The following C17orf99 variants were observed in gnomAD, a reference collection of about 807,000 sequenced individuals.
C17orf99 encodes protein IL-40.
Under a neutral mutation model 22.6 loss-of-function variants are expected in C17orf99, and 18 were observed. That is an observed-to-expected ratio of 0.80 (90% CI 0.55 to 1.18). The LOEUF (loss-of-function observed/expected upper bound fraction) is 1.18, where lower values mean the gene tolerates loss of function less well. C17orf99 is among the 50% of genes most tolerant of loss of function. C17orf99 has a pLI of 0.00. For synonymous variants in C17orf99, 147 were observed against 136.6 expected, an observed-to-expected ratio of 1.08 and a Z score of -0.53; for missense variants, 328 against 342.7, an observed-to-expected ratio of 0.96 and a Z score of 0.34.
intron 2 of C17orf99, among the ~76,000 whole-genome samples, chr17:78,159,739 C>T (rs1291383988): frequency 1.3e-5 from 2 of 152,124 alleles, no homozygotes; most frequent in Non-Finnish European, 2.9e-5. Flanking sequence ...TCCCCCTCCC[C>T]TGGGCCCCAG....
At chr17:78,157,737 C>T (rs561073795) in intron 2 of C17orf99, 28 of 460,494 alleles carry the variant, frequency 6.1e-5, no homozygotes, top group Middle Eastern at 7.7e-4. Flanking sequence ...GCAGAGCTTG[C>T]GGTGAGCCGA....
At chr17:78,148,214 T>A (rs2075450573) in intron 2 of C17orf99, among the ~76,000 whole-genome samples, 1 of 127,870 alleles carries the variant, frequency 7.8e-6, no homozygotes. Flanking sequence ...GAGACCCCCA[T>A]CTCTTAAAAA....
At position 78,166,235 on chromosome 17, in the gene C17orf99, C is replaced by G; in HGVS notation, c.*189C>G. The G allele has an allele frequency of 2.6e-6, 1 of 381,972 alleles. No individual in the cohort carries two copies. Among genetic ancestry groups the G allele is most frequent in the Non-Finnish European group, 4.6e-6 (1 of 217,162 alleles). 23.7% of individuals were successfully genotyped at this position (381,972 alleles called of 1,614,324 possible). ...TTGCTTCGCTATAGGAACCTTTGTGCTATCTATATTATCTATATGAATCCC... is the reference window on the plus strand; with the variant it reads ...TTGCTTCGCTATAGGAACCTTTGTGGTATCTATATTATCTATATGAATCCC... On this transcript the variant is annotated 3_prime_UTR_variant, in exon 5 of 5. Transcript: ENST00000340363.
intron 2 of C17orf99, chr17:78,158,059 C>T (rs1156867520): frequency 2.3e-6 from 3 of 1,284,960 alleles, no homozygotes; most frequent in Admixed American, 3.5e-5. Context: ...TCCAGGACAG[C>T]ATGGAGGTGC....
At chr17:78,145,662 G>C (rs1325055700), upstream of C17orf99, among the ~76,000 whole-genome samples, 2 of 152,178 alleles carry the variant, frequency 1.3e-5, no homozygotes, top group Non-Finnish European at 2.9e-5. Flanking sequence ...AAAGGCCCCA[G>C]TGATTACATG....
At chr17:78,150,190 G>T (rs1301984877) in intron 2 of C17orf99, among the ~76,000 whole-genome samples, 1 of 151,184 alleles carries the variant, frequency 6.6e-6, no homozygotes, top group East Asian at 1.9e-4. Context: ...TGTATTTTTT[G>T]TAGAGACAGG....
At chr17:78,160,373 T>TA (rs2075563637) in intron 2 of C17orf99, among the ~76,000 whole-genome samples, 1 of 151,846 alleles carries the variant, frequency 6.6e-6, no homozygotes, top group South Asian at 2.1e-4. Context: ...CTGTCTCTAC[T>TA]AAAAATACAA....
At chr17:78,157,324 TCAG>T in intron 2 of C17orf99, 3 of 582,258 alleles carry the variant, frequency 5.2e-6, no homozygotes, top group South Asian at 1.7e-5. Flanking sequence ...AGACCTGTGT[TCAG>T]CAGCGGCGGC....
chr17:78,164,116 C>T lies in C17orf99; in HGVS notation c.392C>T (p.Ala131Val), dbSNP rs1360597403. The change falls in exon 4 of 5, where the codon GCC (alanine) becomes GTC (valine). Residue 131 changes from alanine to valine, a missense_variant. Physicochemically the swap from Ala to Val is moderately conservative, Grantham distance 64. Coordinates refer to ENST00000340363, the MANE Select transcript of C17orf99 (RefSeq NM_001163075.2). ...CCAGAGCCAGTGTCTGAGCTGCGGG[C>T]CAACTTCACTCTGCAGGACAGAGGG... ...LWSKPVSELR[A>V]NFTLQDRGAG... is the part of the protein sequence containing the mutation. 24 of 1,551,598 alleles carry T rather than the reference C, an allele frequency of 1.5e-5. No homozygotes were observed. The highest frequency in any genetic ancestry group is 2.0e-5 in the Non-Finnish European group (23 of 1,147,016).
At position 78,164,167 on chromosome 17, in the gene C17orf99, G is replaced by A; in HGVS notation, c.443G>A (p.Cys148Tyr). Residue 148 changes from cysteine (C) to tyrosine (Y), a missense_variant, in exon 4 of 5, where the codon TGC (cysteine) becomes TAC (tyrosine). Cys to Tyr is a radical substitution (Grantham distance 194, BLOSUM62 -2). Transcript: ENST00000340363. ...RGAGPRVEMI[C>Y]QASSGSPPIT... Reference sequence around the variant, plus strand: ...GCAGGCCCCAGGGTGGAGATGATCTGCCAGGCGTCCTCGGGCAGCCCACCT... The same window carrying A: ...GCAGGCCCCAGGGTGGAGATGATCTACCAGGCGTCCTCGGGCAGCCCACCT... The A allele has an allele frequency of 2.6e-6, 4 of 1,551,622 alleles. No individual in the cohort carries two copies. The highest frequency in any genetic ancestry group is 3.5e-6 in the Non-Finnish European group (4 of 1,147,018).
intron 4 of C17orf99, chr17:78,165,378 G>C: frequency 1.0e-6 from 1 of 985,526 alleles, no homozygotes; most frequent in Non-Finnish European, 1.2e-6. Context: ...AGCCAGACTC[G>C]TGGGTGAGCC....
At chr17:78,165,571 G>A in intron 4 of C17orf99, 1 of 991,320 alleles carries the variant, frequency 1.0e-6, no homozygotes, top group South Asian at 4.7e-5. Context: ...GGGAGGCTGA[G>A]GCAGGCGAAT....
rs372553393 is a variant in C17orf99, at chr17:78,164,180, G to C, written c.456G>C (p.Ser152=). ...TGGAGATGATCTGCCAGGCGTCCTC[G>C]GGCAGCCCACCTATCACCAACAGCC... is the stretch of plus-strand genomic sequence containing the variant. The part of the protein sequence containing the change: ...PRVEMICQAS[S]GSPPITNSLI... The change falls in exon 4 of 5, where the codon TCG becomes TCC. Residue 152 remains serine (S), a synonymous_variant. Coordinates refer to ENST00000340363, the MANE Select transcript of C17orf99 (RefSeq NM_001163075.2). 6.4e-7 allele frequency: 1 copy of C among 1,551,466 alleles called. No homozygotes were observed. Among genetic ancestry groups the C allele is most frequent in the Non-Finnish European group, 8.7e-7 (1 of 1,147,004 alleles).
intron 3 of C17orf99, among the ~76,000 whole-genome samples, chr17:78,162,537 G>A (rs1256919178): frequency 1.3e-5 from 2 of 152,156 alleles, no homozygotes; most frequent in African/African-American, 4.8e-5. Context: ...TAGGGGAGAT[G>A]AGCCCAGGAT....
At chr17:78,149,484 G>A (rs777027434) in intron 2 of C17orf99, among the ~76,000 whole-genome samples, 4 of 152,122 alleles carry the variant, frequency 2.6e-5, no homozygotes, top group Non-Finnish European at 5.9e-5. Context: ...AAGGACCTGA[G>A]GGATCAGGAT....
intron 2 of C17orf99, among the ~76,000 whole-genome samples, chr17:78,156,332 G>GAAAAAAAAAA (rs769438256): frequency 1.6e-5 from 1 of 63,390 alleles, no homozygotes. Context: ...TCCTTCTCCA[G>GAAAAAAAAAA]AAAAAAAAAA....
In C17orf99 at chr17:78,160,792, A is replaced by G. The variant is rs900266580; in HGVS notation, c.71-163A>G. On this transcript the variant is annotated intron_variant, in intron 2 of 4. Coordinates refer to ENST00000340363, the MANE Select transcript of C17orf99 (RefSeq NM_001163075.2). ...GAGACAGACTTTCACCATGTTGGCT[A>G]CACTGGTTTTGAACTCCTGACCTCA... The G allele has an allele frequency of 1.5e-5, 9 of 620,534 alleles. No homozygotes were observed. In the African/African-American group the frequency reaches 1.5e-4, roughly 10 times the overall value. 38.4% of individuals were successfully genotyped at this position (620,534 alleles called of 1,614,324 possible). A position where few individuals can be genotyped will look rare whatever the true frequency, so the allele number is the denominator to read the frequency against.
At chr17:78,160,914 G>T in intron 2 of C17orf99, 41 bp from the exon 3 acceptor site, 4 of 1,497,080 alleles carry the variant, frequency 2.7e-6, no homozygotes, top group Non-Finnish European at 3.6e-6. Flanking sequence ...CTTGATCAAT[G>T]TCGGTTTCTT....
At chr17:78,152,688 G>T (rs2075494518) in intron 2 of C17orf99, among the ~76,000 whole-genome samples, 1 of 149,936 alleles carries the variant, frequency 6.7e-6, no homozygotes, top group Non-Finnish European at 1.5e-5. Context: ...GCCCAGGCTG[G>T]TCTCAAACTC....
Sources: allele counts gnomAD v4.1 joint callset (sites outside exome capture counted in the v4.1 genomes callset), GRCh38; gene constraint gnomAD v4.1.1; transcripts MANE v1.5; gene names NCBI Gene and HGNC (gene_info 2026-07-23, HGNC 2026-07-21).